Variants in UPF3A observed in about 807,000 individuals in gnomAD.
UPF3A encodes regulator of nonsense transcripts 3A.
In UPF3A, 42 loss-of-function variants were observed where a neutral mutation model predicts 53.5. The ratio of observed to expected loss-of-function variants is 0.78; its 90% CI spans 0.61 to 1.01. The LOEUF is 1.01. Ranked by LOEUF, UPF3A falls within the 50% of genes least tolerant of loss-of-function variation. UPF3A has a pLI of 0.00. For missense variants in UPF3A, 575 were observed against 598.0 expected (o/e 0.96, Z 0.40); for synonymous variants, 237 against 225.3 (o/e 1.05, Z -0.47).
At chr13:114,302,574 C>A (rs180755269) in intron 9 of UPF3A, among the ~76,000 whole-genome samples, 26 of 152,316 alleles carry the variant, frequency 1.7e-4, no homozygotes, top group Non-Finnish European at 2.8e-4. Context: ...CCCACCCTGG[C>A]CTCCTAGCAA....
At chr13:114,303,298 A>G (rs1676061431) in intron 9 of UPF3A, among the ~76,000 whole-genome samples, 1 of 152,118 alleles carries the variant, frequency 6.6e-6, no homozygotes, top group Admixed American at 6.5e-5. Context: ...TTATTTTAGC[A>G]GTGGTGAATG....
intron 7 of UPF3A, among the ~76,000 whole-genome samples, chr13:114,297,546 T>A (rs1156371288): frequency 6.6e-6 from 1 of 152,170 alleles, no homozygotes; most frequent in East Asian, 1.9e-4. Context: ...AAATAATCAC[T>A]ATTGGCCGGG....
At chr13:114,295,424 A>C (rs1303194480) in intron 7 of UPF3A, among the ~76,000 whole-genome samples, 1 of 149,686 alleles carries the variant, frequency 6.7e-6, no homozygotes, top group Non-Finnish European at 1.5e-5. Context: ...GCTCGTCTCC[A>C]GCGGCTCTGG....
At chr13:114,291,094 A>G (rs2085230514) in intron 5 of UPF3A, among the ~76,000 whole-genome samples, 1 of 152,158 alleles carries the variant, frequency 6.6e-6, no homozygotes. Context: ...TTGGGATTTT[A>G]TGGAGTATAT....
At chr13:114,282,530 C>T in intron 2 of UPF3A, 1 of 985,436 alleles carries the variant, frequency 1.0e-6, no homozygotes, top group Non-Finnish European at 1.2e-6. Flanking sequence ...GGAGAAGGTC[C>T]CCAAGTCAGG....
chr13:114,288,612 G>A (rs191854311), intron 5 of UPF3A, among the ~76,000 whole-genome samples: 6 of 152,312 alleles, frequency 3.9e-5, no homozygotes, highest in Admixed American at 3.9e-4. Flanking sequence ...GGAGTAGCAT[G>A]GTCTGATTAT....
chr13:114,304,316 A>G (rs980607639), intron 9 of UPF3A, among the ~76,000 whole-genome samples: 1 of 152,014 alleles, frequency 6.6e-6, no homozygotes, highest in Non-Finnish European at 1.5e-5. Flanking sequence ...GGTCATTTTT[A>G]TTGCTTCACC....
chr13:114,295,440 T>TCCCCAGCTCGTCTCCAGCGGCTCTGGC (rs1428533721), intron 7 of UPF3A, among the ~76,000 whole-genome samples: 18 of 151,342 alleles, frequency 1.2e-4, no homozygotes, highest in South Asian at 4.2e-4. Context: ...TCTGGCCTGC[T>TCCCCAGCTCGTCTCCAGCGGCTCTGGC]GGTTTCTCAT....
chr13:114,290,717 T>C (rs1036882027), intron 5 of UPF3A, among the ~76,000 whole-genome samples: 5 of 151,956 alleles, frequency 3.3e-5, no homozygotes, highest in Non-Finnish European at 7.4e-5. Context: ...TCATTTTCTT[T>C]TTCTTTTCTT....
At chr13:114,291,874 A>G (rs768584025) in intron 7 of UPF3A, 82 bp downstream of exon 7, 78 of 1,439,950 alleles carry the variant, frequency 5.4e-5, no homozygotes, top group Admixed American at 7.0e-5. Flanking sequence ...AGTTCTTTAG[A>G]ATTTTGAAAA....
At chr13:114,303,704 T>G (rs2086795012) in intron 9 of UPF3A, among the ~76,000 whole-genome samples, 1 of 152,010 alleles carries the variant, frequency 6.6e-6, no homozygotes, top group Non-Finnish European at 1.5e-5. Context: ...AAGCATCACT[T>G]GAACCCAGGA....
intron 5 of UPF3A, among the ~76,000 whole-genome samples, chr13:114,288,447 A>G (rs1050131389): frequency 6.6e-6 from 1 of 152,220 alleles, no homozygotes; most frequent in African/African-American, 2.4e-5. Context: ...GGAGGAAGGA[A>G]GCGCCAGGGG....
chr13:114,301,758 C>T lies in UPF3A; in HGVS notation c.1035C>T (p.His345=), dbSNP rs150063432. 3.7e-5 allele frequency: 60 copies of T among 1,613,564 alleles called. No homozygotes were observed. The highest frequency in any genetic ancestry group is 5.1e-5 in the Non-Finnish European group (60 of 1,179,702). ...CACACAGCGGCAGTGATAAAGAGCA[C>T]AGGGATGTGGAGAGATCTCAAGAAC... is the stretch of plus-strand genomic sequence containing the variant. ...ETSHSGSDKE[H]RDVERSQEQE... Residue 345 remains histidine (H), a synonymous_variant, in exon 9 of 10, where the codon CAC becomes CAT. Transcript: ENST00000375299.
chr13:114,287,919 G>C (rs1250428607), intron 5 of UPF3A, among the ~76,000 whole-genome samples: 1 of 152,060 alleles, frequency 6.6e-6, no homozygotes, highest in Non-Finnish European at 1.5e-5. Flanking sequence ...CCATTCTTCT[G>C]CCTCAGCCTC....
chr13:114,301,323 C>T (rs1445903477), intron 8 of UPF3A, among the ~76,000 whole-genome samples: 1 of 151,854 alleles, frequency 6.6e-6, no homozygotes, highest in Non-Finnish European at 1.5e-5. Flanking sequence ...ATTAGCCGGG[C>T]GTGGTCGCGG....
chr13:114,283,901 G>C, intron 3 of UPF3A: 1 of 985,398 alleles, frequency 1.0e-6, no homozygotes, highest in South Asian at 4.7e-5. Context: ...TGACACTGAT[G>C]AGTGTTTTCT....
At chr13:114,283,866 C>T in intron 3 of UPF3A, 1 of 985,460 alleles carries the variant, frequency 1.0e-6, no homozygotes, top group Non-Finnish European at 1.2e-6. Flanking sequence ...CCTCCCCAGC[C>T]ACCCTCTTCC....
intron 9 of UPF3A, among the ~76,000 whole-genome samples, chr13:114,303,218 G>A (rs1426454886): frequency 6.6e-6 from 1 of 152,226 alleles, no homozygotes; most frequent in Non-Finnish European, 1.5e-5. Flanking sequence ...GGACCTCGGG[G>A]TGCACAAAGT....
In UPF3A at chr13:114,301,986, C is replaced by T. The variant is rs779204776; in HGVS notation, c.1263C>T (p.Asp421=). 22 of 1,570,122 alleles carry T rather than the reference C, an allele frequency of 1.4e-5. No individual in the cohort carries two copies. Among genetic ancestry groups the T allele is most frequent in the South Asian group, 5.8e-5 (5 of 85,572 alleles). ...MERLGRAQRC[D]DSPAPRKERL... Reference sequence around the variant, plus strand: ...GACTGGGAAGAGCGCAGAGGTGTGACGACAGTCCAGCACCCAGAAAAGAGC... The same window carrying T: ...GACTGGGAAGAGCGCAGAGGTGTGATGACAGTCCAGCACCCAGAAAAGAGC... Residue 421 remains aspartate (D), a synonymous_variant, in exon 9 of 10, where the codon GAC becomes GAT. Transcript: ENST00000375299.
Sources: allele counts gnomAD v4.1 joint callset (sites outside exome capture counted in the v4.1 genomes callset), GRCh38; gene constraint gnomAD v4.1.1; transcripts MANE v1.5; gene names NCBI Gene and HGNC (gene_info 2026-07-23, HGNC 2026-07-21).